The following HHIPL1 variants were observed in gnomAD, a reference collection of about 807,000 sequenced individuals.
HHIPL1 encodes HHIP-like protein 1.
In HHIPL1, 43 loss-of-function variants were observed where a neutral mutation model predicts 61.8. The ratio of observed to expected loss-of-function variants is 0.70; its 90% confidence interval spans 0.55 to 0.90. The LOEUF (loss-of-function observed/expected upper bound fraction) is 0.90. Ranked by LOEUF, HHIPL1 falls within the 40% of genes least tolerant of loss-of-function variation. HHIPL1 has a pLI of 0.00. For missense variants in HHIPL1, 1,056 were observed against 1,157.7 expected, an observed-to-expected ratio of 0.91 and a Z score of 1.28; for synonymous variants, 482 against 515.8, an observed-to-expected ratio of 0.93 and a Z score of 0.89.
the HHIPL1 span, among the ~76,000 whole-genome samples, chr14:99,613,707 G>A: frequency 2.0e-5 from 3 of 151,872 alleles, no homozygotes; most frequent in African/African-American, 7.2e-5. Context: ...TGAGGAGTTC[G>A]AGACCAGCCT....
the HHIPL1 span, chr14:99,625,455 G>T: frequency 6.6e-6 from 1 of 152,256 alleles, no homozygotes; most frequent in Non-Finnish European, 1.5e-5. Context: ...TTATTGTGGA[G>T]GGCTGTTCTC....
At chr14:99,608,093 G>C in the HHIPL1 span, among the ~76,000 whole-genome samples, 4 of 152,050 alleles carry the variant, frequency 2.6e-5, no homozygotes, top group African/African-American at 4.8e-5. Flanking sequence ...GGAGGAAGCA[G>C]TACAAGCAAA....
At chr14:99,663,960 T>C (rs1232323498) in intron 6 of HHIPL1, among the ~76,000 whole-genome samples, 1 of 152,204 alleles carries the variant, frequency 6.6e-6, no homozygotes, top group Non-Finnish European at 1.5e-5. Flanking sequence ...ATTTGGGCCA[T>C]TCAATGAAAC....
chr14:99,611,787 G>A, the HHIPL1 span, among the ~76,000 whole-genome samples: 35 of 151,380 alleles, frequency 2.3e-4, 2 homozygotes, highest in South Asian at 5.5e-3. Flanking sequence ...CTTCTTATAC[G>A]CGTGTCCCAA....
the HHIPL1 span, among the ~76,000 whole-genome samples, chr14:99,634,666 A>G: frequency 6.6e-6 from 1 of 152,128 alleles, no homozygotes; most frequent in Non-Finnish European, 1.5e-5. Context: ...TGTGGTGCAG[A>G]TAAGGAAACG....
the HHIPL1 span, among the ~76,000 whole-genome samples, chr14:99,624,490 G>C: frequency 1.3e-5 from 2 of 152,110 alleles, no homozygotes; most frequent in African/African-American, 4.8e-5. Context: ...CCATATGGTC[G>C]GGCATTTACA....
At chr14:99,662,728 G>A (rs904543068) in intron 5 of HHIPL1, 148 bp from the exon 6 acceptor site, 4 of 719,392 alleles carry the variant, frequency 5.6e-6, no homozygotes, top group Non-Finnish European at 9.2e-6. Flanking sequence ...CAGTGGGTGA[G>A]TGGATATGTA....
chr14:99,624,064 G>A, the HHIPL1 span, among the ~76,000 whole-genome samples: 4 of 152,238 alleles, frequency 2.6e-5, no homozygotes, highest in Non-Finnish European at 4.4e-5. Context: ...AAGGCAGCCA[G>A]GCCAGACAGG....
At chr14:99,649,562 G>A (rs567416207) in intron 1 of HHIPL1, among the ~76,000 whole-genome samples, 3 of 152,306 alleles carry the variant, frequency 2.0e-5, no homozygotes, top group African/African-American at 4.8e-5. Context: ...GGGCCAAGGC[G>A]GGAGGATTGC....
chr14:99,618,993 C>A, the HHIPL1 span, among the ~76,000 whole-genome samples: 1 of 152,186 alleles, frequency 6.6e-6, no homozygotes, highest in Non-Finnish European at 1.5e-5. Context: ...GTACTCAAAG[C>A]AGCCTGTGTA....
chr14:99,661,403 AAGAG>A (rs368639495), intron 5 of HHIPL1, among the ~76,000 whole-genome samples: 1 of 149,718 alleles, frequency 6.7e-6, no homozygotes, highest in Non-Finnish European at 1.5e-5. Flanking sequence ...GAGAGAAAGA[AAGAG>A]AGAGAGAGAG....
the HHIPL1 span, among the ~76,000 whole-genome samples, chr14:99,609,205 C>T: frequency 2.0e-5 from 3 of 152,206 alleles, no homozygotes; most frequent in Non-Finnish European, 2.9e-5. Context: ...CTCCCTGCAA[C>T]TCTATCACTG....
chr14:99,640,766 T>G (rs1014480852), upstream of HHIPL1, among the ~76,000 whole-genome samples: 14 of 152,126 alleles, frequency 9.2e-5, no homozygotes, highest in African/African-American at 3.4e-4. Context: ...CCATCTCTTA[T>G]GACATTGCTG....
Position 99,657,088 on chromosome 14 carries a change from G to A in HHIPL1, c.991G>A (p.Gly331Arg). 1.9e-6 allele frequency: 3 copies of A among 1,613,642 alleles called. No individual in the cohort carries two copies. The highest frequency in any genetic ancestry group is 2.5e-6 in the Non-Finnish European group (3 of 1,179,872). ...GDDGYLYIFT[G>R]DGGMAGDPFG... ...TGACGGGTACCTCTACATCTTCACT[G>A]GAGATGGCGGGATGGCCGGAGACCC... Residue 331 changes from glycine (G) to arginine (R), a missense_variant, in exon 3 of 9, where the codon GGA (glycine) becomes AGA (arginine). Physicochemically the swap from Gly to Arg is moderately radical, Grantham distance 125. Coordinates refer to ENST00000330710, the MANE Select transcript of HHIPL1 (RefSeq NM_001127258.3).
At chr14:99,658,115 G>A (rs935853995) in intron 3 of HHIPL1, among the ~76,000 whole-genome samples, 1 of 152,192 alleles carries the variant, frequency 6.6e-6, no homozygotes, top group Non-Finnish European at 1.5e-5. Context: ...AGTAATTAAA[G>A]TGCTCACAAT....
At chr14:99,610,558 G>A in the HHIPL1 span, among the ~76,000 whole-genome samples, 16 of 152,164 alleles carry the variant, frequency 1.1e-4, no homozygotes, top group Admixed American at 2.0e-4. Context: ...CCCGGAGTTC[G>A]AGACCAGCCT....
Position 99,660,774 on chromosome 14 carries a change from G to A in HHIPL1, c.1502+368G>A, listed in dbSNP as rs1444196998. ...TATGAACAATTTCCTGGACACTCAGGGCCACCCTGCTCCTGGGGAAGCCAC... is the reference window on the plus strand; with the variant it reads ...TATGAACAATTTCCTGGACACTCAGAGCCACCCTGCTCCTGGGGAAGCCAC... On this transcript the variant is annotated intron_variant, in intron 5 of 8. Coordinates refer to ENST00000330710, the MANE Select transcript of HHIPL1 (RefSeq NM_001127258.3). The surrounding 1 kb of genome is among the most constrained non-coding windows in gnomAD (Gnocchi z 4.9). 6.6e-6 allele frequency among the ~76,000 whole-genome samples: 1 copy of A among 152,180 alleles called. No individual in the cohort carries two copies. The highest frequency in any genetic ancestry group is 2.4e-5 in the African/African-American group (1 of 41,438).
chr14:99,664,223 G>A (rs2056203317), intron 6 of HHIPL1, among the ~76,000 whole-genome samples: 1 of 152,174 alleles, frequency 6.6e-6, no homozygotes, highest in Admixed American at 6.5e-5. Flanking sequence ...GGCCTTTGGA[G>A]GGGTGTCCCC....
chr14:99,672,195 T>C (rs2056332581), intron 7 of HHIPL1, 122 bp from the exon 8 acceptor site: 3 of 711,060 alleles, frequency 4.2e-6, no homozygotes, highest in South Asian at 3.3e-5. Context: ...ACACAGTAGG[T>C]GCATGGTGAA....
Sources: gnomAD v4.1 joint callset for allele counts (sites outside exome capture counted in the v4.1 genomes callset) on GRCh38, gnomAD v4.1.1 for gene constraint, Gnocchi (gnomAD v3.1) non-coding constraint, MANE v1.5 for transcripts, NCBI Gene and HGNC (gene_info 2026-07-23, HGNC 2026-07-21) for gene names.